Variants in RAD23B observed in about 807,000 individuals in gnomAD.
The protein encoded by RAD23B is lysine-specific demethylase RAD23B.
In RAD23B, 5 loss-of-function variants were observed where a neutral mutation model predicts 49.1. The observed-to-expected ratio is 0.10, with a 90% CI of 0.05 to 0.21. The LOEUF (loss-of-function observed/expected upper bound fraction) is 0.21, where lower values mean the gene tolerates loss of function less well. Among genes scored for constraint, RAD23B ranks in the 10% least tolerant of loss-of-function variants. The probability of loss-of-function intolerance (pLI) is 1.00; values close to 1 mark genes in which losing one functional copy is unlikely to be tolerated. For missense variants in RAD23B, 356 were observed against 486.7 expected, an observed-to-expected ratio of 0.73 and a Z score of 2.53; for synonymous variants, 184 against 165.4, an observed-to-expected ratio of 1.11 and a Z score of -0.86.
intron 5 of RAD23B, among the ~76,000 whole-genome samples, chr9:107,313,536 T>G (rs1463924912): frequency 6.6e-6 from 1 of 152,208 alleles, no homozygotes; most frequent in African/African-American, 2.4e-5. Flanking sequence ...TTAATTCGTT[T>G]TATTTTACCT....
intron 1 of RAD23B, among the ~76,000 whole-genome samples, chr9:107,290,702 G>C (rs574333166): frequency 6.6e-6 from 1 of 152,324 alleles, no homozygotes; most frequent in East Asian, 1.9e-4. Context: ...TGTGAAATTA[G>C]AAATAAATTT....
intron 1 of RAD23B, among the ~76,000 whole-genome samples, chr9:107,292,847 G>A (rs1833410547): frequency 6.6e-6 from 1 of 152,066 alleles, no homozygotes; most frequent in African/African-American, 2.4e-5. Context: ...GTCCCCATTA[G>A]AAAAAGAGGA....
intron 1 of RAD23B, among the ~76,000 whole-genome samples, chr9:107,297,599 A>G (rs1473680928): frequency 6.6e-6 from 1 of 152,174 alleles, no homozygotes; most frequent in African/African-American, 2.4e-5. Context: ...TTGGCCTCCC[A>G]AAGTATGGGA....
intron 7 of RAD23B, among the ~76,000 whole-genome samples, chr9:107,322,457 A>G (rs1252934864): frequency 6.6e-6 from 1 of 152,228 alleles, no homozygotes; most frequent in Non-Finnish European, 1.5e-5. Flanking sequence ...CTCTCTCCAT[A>G]AATGTTACAA....
rs541463247 is a variant in RAD23B, at chr9:107,304,313, T to C, written c.229-2066T>C. On this transcript the variant is annotated intron_variant, in intron 3 of 9. Coordinates refer to ENST00000358015, the MANE Select transcript of RAD23B (RefSeq NM_002874.5). ...TAAATGAGTATACCACTTTTAAAAA[T>C]ACATTTTTATCTAGATTGGTTATTA... Among the ~76,000 whole-genome samples the C allele has an allele frequency of 2.6e-5, 4 of 152,318 alleles. No individual in the cohort carries two copies. The East Asian group carries it at 7.7e-4, about 29-fold the overall frequency.
intron 1 of RAD23B, among the ~76,000 whole-genome samples, chr9:107,298,357 A>G (rs1826577008): frequency 6.6e-6 from 1 of 151,948 alleles, no homozygotes; most frequent in Non-Finnish European, 1.5e-5. Context: ...TCTGTCACCC[A>G]GGCTGGAGTG....
At chr9:107,326,765 C>G (rs540004375) in intron 9 of RAD23B, among the ~76,000 whole-genome samples, 18 of 149,962 alleles carry the variant, frequency 1.2e-4, no homozygotes, top group African/African-American at 4.2e-4. Flanking sequence ...TCCCGAGTAG[C>G]TGGGACCACA....
Position 107,324,077 on chromosome 9 carries a change from C to G in RAD23B, c.945+60C>G. ...GAGTGTGTCACAATTTGAAAAAGTCCATGAACGGTCCTTCCCCTCCTCAAA... is the reference window on the plus strand; with the variant it reads ...GAGTGTGTCACAATTTGAAAAAGTCGATGAACGGTCCTTCCCCTCCTCAAA... On this transcript the variant is annotated intron_variant, in intron 8 of 9. Coordinates refer to ENST00000358015, the MANE Select transcript of RAD23B (RefSeq NM_002874.5). The G allele has an allele frequency of 5.2e-6, 8 of 1,544,916 alleles. No individual in the cohort carries two copies. The South Asian group carries it at 7.8e-5, about 15-fold the overall frequency.
chr9:107,302,312 AAT>A (rs1371249108), intron 3 of RAD23B, among the ~76,000 whole-genome samples, 198 bp downstream of exon 3: 2 of 152,200 alleles, frequency 1.3e-5, no homozygotes, highest in Non-Finnish European at 2.9e-5. Flanking sequence ...ATTAAACTAT[AAT>A]ATAGTTTTAA....
At chr9:107,314,752 T>C (rs747870885) in intron 5 of RAD23B, among the ~76,000 whole-genome samples, 25 of 152,274 alleles carry the variant, frequency 1.6e-4, no homozygotes, top group Non-Finnish European at 2.9e-4. Context: ...ATTTCCGTAC[T>C]GTTTTCCATA....
In RAD23B at chr9:107,329,757, A is replaced by G; in HGVS notation, c.*101A>G. ...TGGGCTCATATCCACAATACTTGGTATAAGGTAGTAGATTGTTGGGGGTGG... is the reference window on the plus strand; with the variant it reads ...TGGGCTCATATCCACAATACTTGGTGTAAGGTAGTAGATTGTTGGGGGTGG... On this transcript the variant is annotated 3_prime_UTR_variant, in exon 10 of 10. Coordinates refer to ENST00000358015, the MANE Select transcript of RAD23B (RefSeq NM_002874.5). 2.3e-6 allele frequency: 1 copy of G among 436,508 alleles called. No homozygotes were observed. The highest frequency in any genetic ancestry group is 4.5e-6 in the Non-Finnish European group (1 of 221,864). 27.0% of individuals were successfully genotyped at this position (436,508 alleles called of 1,614,324 possible). A position where few individuals can be genotyped will look rare whatever the true frequency, so the allele number is the denominator to read the frequency against.
Position 107,318,952 on chromosome 9 carries a change from A to G in RAD23B, c.681+73A>G, listed in dbSNP as rs1827051834. On this transcript the variant is annotated intron_variant, in intron 6 of 9. Transcript: ENST00000358015. This position sits in a 1 kb window ranked among gnomAD's most constrained non-coding sequence, Gnocchi z 4.3. ...ATCTCAAAGAAACAGATTTTAAAGG[A>G]CCAGTTCACTTGTCACTGATATATG... The G allele has an allele frequency of 2.1e-6, 3 of 1,460,990 alleles. No homozygotes were observed. In the Admixed American group the frequency reaches 5.9e-5, roughly 29 times the overall value. The allele number at this position is 1,460,990 out of a possible 1,614,324, so 90.5% of individuals were successfully genotyped here.
intron 1 of RAD23B, chr9:107,283,953 C>T: frequency 9.0e-7 from 1 of 1,117,278 alleles, no homozygotes; most frequent in South Asian, 4.0e-5. Context: ...CGCACGCCCG[C>T]GGGCCTGGGC....
At chr9:107,314,296 C>T (rs1376600376) in intron 5 of RAD23B, among the ~76,000 whole-genome samples, 1 of 152,134 alleles carries the variant, frequency 6.6e-6, no homozygotes, top group Non-Finnish European at 1.5e-5. Flanking sequence ...GTAGCCATCA[C>T]CTGAATAATG....
chr9:107,308,234 T>C (rs1826820780), intron 4 of RAD23B, among the ~76,000 whole-genome samples: 1 of 97,604 alleles, frequency 1.0e-5, no homozygotes, highest in Non-Finnish European at 2.1e-5. Flanking sequence ...TTTTTTTTTT[T>C]TGGAGACAGA....
rs183829107 is a variant in RAD23B at position 107,301,405 on chromosome 9, C to T, written c.149-630C>T. ...ATTGAATTTTCTTTATCTTCATGAT[C>T]TCCTCCTTTTCAGGGCCTCTTTCAT... On this transcript the variant is annotated intron_variant, in intron 2 of 9. Transcript: ENST00000358015. 2.1e-3 allele frequency among the ~76,000 whole-genome samples: 315 copies of T among 152,274 alleles called. 3 individuals carry two copies. Among genetic ancestry groups the T allele is most frequent in the African/African-American group, 7.3e-3 (304 of 41,556 alleles).
At chr9:107,299,214 T>C (rs553501901) in intron 1 of RAD23B, among the ~76,000 whole-genome samples, 1 of 152,334 alleles carries the variant, frequency 6.6e-6, no homozygotes, top group African/African-American at 2.4e-5. Flanking sequence ...AAACCTTTAT[T>C]TGTATCCCTT....
intron 4 of RAD23B, among the ~76,000 whole-genome samples, chr9:107,309,950 AC>A (rs56107005): frequency 0.27 from 35,126 of 131,642 alleles, 5,512 homozygotes; most frequent in Non-Finnish European, 0.36. Context: ...AAAAAAAAAA[AC>A]CAATGTGTGA....
At position 107,283,333 on chromosome 9, in the gene RAD23B, G is replaced by A; in HGVS notation, c.-297G>A. On this transcript the variant is annotated 5_prime_UTR_variant, in exon 1 of 10. Transcript: ENST00000358015. ...TGGTGAGCTAGCGGATTCCCTGCTTGTCTCGCCGACCCCCTCGCGCCTTCT... is the reference window on the plus strand; with the variant it reads ...TGGTGAGCTAGCGGATTCCCTGCTTATCTCGCCGACCCCCTCGCGCCTTCT... 1 of 417,962 alleles carries A rather than the reference G, an allele frequency of 2.4e-6. No homozygotes were observed. Among genetic ancestry groups the A allele is most frequent in the Non-Finnish European group, 4.2e-6 (1 of 239,638 alleles). The allele number at this position is 417,962 out of a possible 1,614,324, so 25.9% of individuals were successfully genotyped here.
Sources: gnomAD v4.1 joint callset for allele counts (sites outside exome capture counted in the v4.1 genomes callset) on GRCh38, gnomAD v4.1.1 for gene constraint, Gnocchi (gnomAD v3.1) non-coding constraint, MANE v1.5 for transcripts, NCBI Gene and HGNC (gene_info 2026-07-23, HGNC 2026-07-21) for gene names.